Variants in PRKG1 observed in about 807,000 individuals in gnomAD.
The protein encoded by PRKG1 is protein kinase cGMP-dependent 1.
A neutral mutation model predicts 88.1 loss-of-function variants in PRKG1; 35 were observed. The observed-to-expected ratio is 0.40, with a 90% confidence interval of 0.30 to 0.53. The LOEUF (loss-of-function observed/expected upper bound fraction) is 0.53. Ranked by LOEUF, PRKG1 falls within the 20% of genes least tolerant of loss-of-function variation. The probability of loss-of-function intolerance (pLI) is 0.59; values close to 1 mark genes in which losing one functional copy is unlikely to be tolerated. For synonymous variants in PRKG1, 303 were observed against 292.5 expected (o/e 1.04, Z -0.37); for missense variants, 540 against 839.8 (o/e 0.64, Z 4.41).
chr10:52,077,456 G>C (rs1240426129), intron 7 of PRKG1, among the ~76,000 whole-genome samples: 1 of 152,160 alleles, frequency 6.6e-6, no homozygotes, highest in Non-Finnish European at 1.5e-5. Flanking sequence ...CAGATGGCAG[G>C]AGACAGAGAT....
chr10:51,202,364 G>A (rs1397993347), intron 2 of PRKG1, among the ~76,000 whole-genome samples: 3 of 152,032 alleles, frequency 2.0e-5, no homozygotes, highest in African/African-American at 7.2e-5. Context: ...ACTCCTCTTG[G>A]GCCTCAATCT....
intron 4 of PRKG1, among the ~76,000 whole-genome samples, chr10:51,831,742 T>A (rs962146677): frequency 6.6e-6 from 1 of 152,268 alleles, no homozygotes; most frequent in South Asian, 2.1e-4. Flanking sequence ...TGAGGGCCCA[T>A]CCTCGGCCCT....
chr10:51,562,243 T>A (rs1341694624), intron 3 of PRKG1, among the ~76,000 whole-genome samples: 1 of 151,052 alleles, frequency 6.6e-6, no homozygotes, highest in African/African-American at 2.4e-5. Context: ...AAAATGCTAC[T>A]GTAATGTGTG....
chr10:51,993,336 T>C (rs1423752029), intron 5 of PRKG1, among the ~76,000 whole-genome samples: 1 of 152,070 alleles, frequency 6.6e-6, no homozygotes, highest in Non-Finnish European at 1.5e-5. Context: ...AAAAAAAATA[T>C]AGTCTGCCTG....
At chr10:51,459,675 G>T (rs1246539278) in intron 2 of PRKG1, among the ~76,000 whole-genome samples, 2 of 152,140 alleles carry the variant, frequency 1.3e-5, no homozygotes, top group African/African-American at 4.8e-5. Flanking sequence ...AGTTATCTAA[G>T]TTTCCACAGT....
intron 5 of PRKG1, among the ~76,000 whole-genome samples, chr10:51,946,340 T>C (rs543501866): frequency 6.6e-6 from 1 of 152,144 alleles, no homozygotes; most frequent in African/African-American, 2.4e-5. Context: ...TCTGTGTTGT[T>C]TATTCTAGTT....
chr10:51,764,274 A>G (rs139882941), intron 3 of PRKG1, among the ~76,000 whole-genome samples: 26 of 152,336 alleles, frequency 1.7e-4, no homozygotes, highest in Middle Eastern at 6.8e-3. Context: ...GGCAAACTTT[A>G]GAGAAACTGC....
chr10:51,181,247 T>C (rs1300198598), intron 2 of PRKG1, among the ~76,000 whole-genome samples: 4 of 135,642 alleles, frequency 2.9e-5, no homozygotes, highest in Non-Finnish European at 6.2e-5. Context: ...TTTTTTTTTT[T>C]TTTTTGAGAC....
intron 6 of PRKG1, among the ~76,000 whole-genome samples, chr10:52,061,947 T>C (rs1846245689): frequency 1.3e-5 from 2 of 151,996 alleles, no homozygotes. Context: ...TAGAAGGATG[T>C]TCATTTCAGC....
intron 4 of PRKG1, among the ~76,000 whole-genome samples, chr10:51,905,586 A>G (rs1354716294): frequency 6.6e-6 from 1 of 152,172 alleles, no homozygotes; most frequent in African/African-American, 2.4e-5. Flanking sequence ...CAGGAATTAT[A>G]TGTTGATAAC....
intron 3 of PRKG1, among the ~76,000 whole-genome samples, chr10:51,684,159 T>G (rs1840924170): frequency 6.6e-6 from 1 of 152,192 alleles, no homozygotes; most frequent in African/African-American, 2.4e-5. Context: ...TGTGGTATAT[T>G]CATACAAAAG....
intron 7 of PRKG1, among the ~76,000 whole-genome samples, chr10:52,091,286 T>C (rs1847050811): frequency 6.6e-6 from 1 of 152,332 alleles, no homozygotes; most frequent in Non-Finnish European, 1.5e-5. Context: ...TTAGAATCTG[T>C]CTTTCTTCCC....
chr10:52,024,533 A>G (rs893430783), intron 5 of PRKG1, among the ~76,000 whole-genome samples: 3 of 151,956 alleles, frequency 2.0e-5, no homozygotes, highest in Non-Finnish European at 4.4e-5. Context: ...CCTGTGTCCA[A>G]GTGTTCTCAT....
intron 4 of PRKG1, among the ~76,000 whole-genome samples, chr10:51,874,135 T>C (rs1284720577): frequency 6.6e-6 from 1 of 152,224 alleles, no homozygotes; most frequent in Non-Finnish European, 1.5e-5. Context: ...TCTTGATTAC[T>C]GGGCATAGAG....
At position 51,665,678 on chromosome 10, in the gene PRKG1, AT is replaced by A. The variant is rs376357686; in HGVS notation, c.593-138897del. 8.7e-3 allele frequency among the ~76,000 whole-genome samples: 1,286 copies of A among 147,906 alleles called. 18 individuals are homozygous for A. The highest frequency in any genetic ancestry group is 0.037 in the South Asian group (174 of 4,686). On this transcript the variant is annotated intron_variant, in intron 3 of 17. Transcript: ENST00000373980. ...TGTTGTTTCAACAGTTTTTATTTTT[AT>A]TTTTTTTTTGTCTTTCTACTCATCC...
chr10:52,288,879 A>G (rs1842177608), intron 15 of PRKG1, 31 bp downstream of exon 15: 1 of 1,592,496 alleles, frequency 6.3e-7, no homozygotes. Flanking sequence ...ATTTTTGAAA[A>G]CATCATAATG....
At chr10:51,381,031 C>T (rs112676116) in intron 2 of PRKG1, among the ~76,000 whole-genome samples, 95 of 151,588 alleles carry the variant, frequency 6.3e-4, no homozygotes, top group East Asian at 2.9e-3. Context: ...TGAATTTGGA[C>T]GGGTAAATGT....
At chr10:51,792,267 TC>T (rs1374287723) in intron 3 of PRKG1, among the ~76,000 whole-genome samples, 1 of 152,160 alleles carries the variant, frequency 6.6e-6, no homozygotes, top group Non-Finnish European at 1.5e-5. Flanking sequence ...TCACTCTTGA[TC>T]CCGTGTTTAT....
chr10:51,525,655 A>T (rs1028083126), intron 3 of PRKG1, among the ~76,000 whole-genome samples: 1 of 152,116 alleles, frequency 6.6e-6, no homozygotes, highest in African/African-American at 2.4e-5. Context: ...CTGAGATTGC[A>T]CCACTGCCCT....
Sources: gnomAD v4.1 joint callset for allele counts (sites outside exome capture counted in the v4.1 genomes callset) on GRCh38, gnomAD v4.1.1 for gene constraint, MANE v1.5 for transcripts, NCBI Gene and HGNC (gene_info 2026-07-23, HGNC 2026-07-21) for gene names.